Variants in GALK2 observed in about 807,000 individuals in gnomAD.
The protein encoded by GALK2 is N-acetylgalactosamine kinase.
In GALK2, 36 loss-of-function variants were observed where a neutral mutation model predicts 52.4. That is an observed-to-expected ratio of 0.69 (90% CI 0.53 to 0.91). The LOEUF is 0.91. GALK2 is among the 40% of genes least tolerant of loss of function. GALK2 has a pLI of 0.00. For synonymous variants in GALK2, 176 were observed against 199.1 expected, an observed-to-expected ratio of 0.88 and a Z score of 0.98; for missense variants, 579 against 559.1, an observed-to-expected ratio of 1.04 and a Z score of -0.36.
chr15:49,158,748 G>A (rs139255584), intron 1 of GALK2: 19 of 152,312 alleles, frequency 1.2e-4, no homozygotes, highest in African/African-American at 4.6e-4. Context: ...ATCTGTCCAC[G>A]TGACTCCACA....
At chr15:49,333,216 G>T (rs2039112597), downstream of GALK2, among the ~76,000 whole-genome samples, 1 of 152,068 alleles carries the variant, frequency 6.6e-6, no homozygotes, top group Non-Finnish European at 1.5e-5. Context: ...CAGTTCAGTG[G>T]TTTTAGTACA....
chr15:49,207,387 T>C (rs570955196), intron 2 of GALK2, among the ~76,000 whole-genome samples: 2 of 152,334 alleles, frequency 1.3e-5, no homozygotes, highest in Non-Finnish European at 2.9e-5. Flanking sequence ...GAAAGGTTCC[T>C]TCTTTCTCTA....
rs184262496 is a variant in GALK2, at chr15:49,340,274, C to T, written c.426+20469C>T. Among the ~76,000 whole-genome samples the T allele has an allele frequency of 2.0e-4, 31 of 152,272 alleles. No homozygotes were observed. The Middle Eastern group carries it at 0.01, about 50-fold the overall frequency. ...GGCTCCAGAGGGGATTCCTGGTCTG[C>T]AGGTTGCGAAGACCATGGGAAAAGC... is the stretch of plus-strand genomic sequence containing the variant. On this transcript the variant is annotated intron_variant, in intron 3 of 3. Transcript: ENST00000558399.
intron 8 of GALK2, among the ~76,000 whole-genome samples, chr15:49,317,386 G>A (rs893806581): frequency 1.8e-5 from 2 of 113,264 alleles, no homozygotes; most frequent in Non-Finnish European, 4.3e-5. Flanking sequence ...TTAGAAAGGC[G>A]GTTATTAAAA....
chr15:49,294,937 G>A (rs1019433888), intron 8 of GALK2, among the ~76,000 whole-genome samples: 1 of 152,130 alleles, frequency 6.6e-6, no homozygotes, highest in Non-Finnish European at 1.5e-5. Context: ...TCGAGTACTG[G>A]AGAACATGCA....
intron 7 of GALK2, among the ~76,000 whole-genome samples, chr15:49,286,412 G>A (rs1294432160): frequency 1.3e-5 from 2 of 152,154 alleles, no homozygotes; most frequent in Non-Finnish European, 2.9e-5. Context: ...TCCTGTGGAG[G>A]TGTGTAAAGT....
upstream of GALK2, among the ~76,000 whole-genome samples, chr15:49,168,101 G>C (rs2084880975): frequency 6.6e-6 from 1 of 152,108 alleles, no homozygotes; most frequent in African/African-American, 2.4e-5. Flanking sequence ...GTTTTACTTT[G>C]TGCCAATCAT....
chr15:49,164,265 G>C (rs1221791844), intron 1 of GALK2, among the ~76,000 whole-genome samples: 1 of 151,812 alleles, frequency 6.6e-6, no homozygotes, highest in Non-Finnish European at 1.5e-5. Context: ...TTTGGCCTAA[G>C]TATTATTTTG....
intron 1 of GALK2, among the ~76,000 whole-genome samples, chr15:49,196,816 T>C (rs2087274177): frequency 6.6e-6 from 1 of 152,240 alleles, no homozygotes; most frequent in East Asian, 1.9e-4. Context: ...TCATTTTGAT[T>C]TGTGGCTCTC....
chr15:49,365,423 G>T (rs953708923), intron 3 of GALK2: 3 of 966,780 alleles, frequency 3.1e-6, no homozygotes, highest in Non-Finnish European at 5.1e-6. Context: ...TCTACAGTAC[G>T]CAAGCAACAG....
downstream of GALK2, among the ~76,000 whole-genome samples, chr15:49,333,349 G>A (rs939695948): frequency 1.1e-4 from 17 of 152,126 alleles, no homozygotes; most frequent in Non-Finnish European, 2.1e-4. Context: ...TAACAAGCAC[G>A]TGAGATTTAT....
intron 5 of GALK2, among the ~76,000 whole-genome samples, chr15:49,252,319 G>T (rs2091644002): frequency 6.6e-6 from 1 of 151,612 alleles, no homozygotes; most frequent in Admixed American, 6.6e-5. Context: ...CCCTTGCTTT[G>T]CTTTTTCACT....
intron 1 of GALK2, among the ~76,000 whole-genome samples, chr15:49,171,082 CTTTTTT>C (rs201895577): frequency 1.5e-5 from 2 of 129,918 alleles, no homozygotes; most frequent in African/African-American, 2.8e-5. Context: ...TTTTCTTTTT[CTTTTTT>C]TTTTTTTTTT....
At chr15:49,246,299 T>A (rs546936116) in intron 5 of GALK2, among the ~76,000 whole-genome samples, 2 of 152,286 alleles carry the variant, frequency 1.3e-5, no homozygotes, top group Admixed American at 1.3e-4. Context: ...GGGAAACAGG[T>A]TGCAACTCTA....
chr15:49,319,129 C>G, intron 8 of GALK2: 1 of 363,660 alleles, frequency 2.7e-6, no homozygotes, highest in Non-Finnish European at 5.3e-6. Flanking sequence ...AATTTTTGTA[C>G]TTTTAGTAGA....
chr15:49,177,755 G>T, intron 1 of GALK2: 2 of 780,134 alleles, frequency 2.6e-6, no homozygotes, highest in South Asian at 1.8e-5. Flanking sequence ...TTGTGGACTG[G>T]TTTGGTGATC....
At chr15:49,188,253 C>T (rs2086497089) in intron 1 of GALK2, among the ~76,000 whole-genome samples, 2 of 152,166 alleles carry the variant, frequency 1.3e-5, no homozygotes, top group African/African-American at 4.8e-5. Context: ...GTTTAGGAAC[C>T]TGTTGTGCTT....
At chr15:49,210,922 T>G (rs1322242455) in intron 2 of GALK2, among the ~76,000 whole-genome samples, 3 of 150,740 alleles carry the variant, frequency 2.0e-5, no homozygotes, top group Non-Finnish European at 4.4e-5. Context: ...AATTTTTGTA[T>G]TTTTACTAGA....
At chr15:49,181,654 G>C (rs2141223176) in intron 1 of GALK2, among the ~76,000 whole-genome samples, 1 of 151,666 alleles carries the variant, frequency 6.6e-6, no homozygotes, top group African/African-American at 2.4e-5. Flanking sequence ...TGGGATTACA[G>C]GAGCCCGCCA....
Sources: allele counts gnomAD v4.1 joint callset (sites outside exome capture counted in the v4.1 genomes callset), GRCh38; gene constraint gnomAD v4.1.1; transcripts MANE v1.5; gene names NCBI Gene and HGNC (gene_info 2026-07-23, HGNC 2026-07-21).